The following ITPR3 variants were observed in gnomAD, a reference collection of about 807,000 sequenced individuals.
The protein encoded by ITPR3 is inositol 1,4,5-trisphosphate-gated calcium channel ITPR3.
Under a neutral mutation model 293.2 loss-of-function variants are expected in ITPR3, and 173 were observed. The ratio of observed to expected loss-of-function variants is 0.59; its 90% CI spans 0.52 to 0.67. ITPR3 has a LOEUF of 0.67. Among genes scored for constraint, ITPR3 ranks in the 30% least tolerant of loss-of-function variants. ITPR3 has a pLI of 0.00. For synonymous variants in ITPR3, 1,295 were observed against 1,444.4 expected, an observed-to-expected ratio of 0.90 and a Z score of 2.35; for missense variants, 2,796 against 3,592.1, an observed-to-expected ratio of 0.78 and a Z score of 5.66.
At position 33,695,857 on chromosome 6, in the gene ITPR3, C is replaced by T. The variant is rs565102433; in HGVS notation, c.*77C>T. The T allele has an allele frequency of 2.0e-5, 29 of 1,474,624 alleles. No individual in the cohort carries two copies. The highest frequency in any genetic ancestry group is 3.5e-4 in the Middle Eastern group (2 of 5,764). The allele number at this position is 1,474,624 out of a possible 1,614,324, so 91.3% of individuals were successfully genotyped here. ...CTGGGAAGAACACTGCCCCCTCCCT[C>T]GGGTTGGGTGGCCCAGCCAGCTGGC... On this transcript the variant is annotated 3_prime_UTR_variant, in exon 58 of 58. Transcript: ENST00000605930.
chr6:33,683,258 C>T lies in ITPR3; in HGVS notation c.4649C>T (p.Ser1550Leu), dbSNP rs754428635. The T allele has an allele frequency of 7.7e-6, 12 of 1,566,296 alleles. No homozygotes were observed. The South Asian group carries it at 9.5e-5, about 12-fold the overall frequency. Residue 1550 changes from serine to leucine, a missense_variant, in exon 35 of 58, where the codon TCG becomes TTG. Ser to Leu is a moderately radical substitution (Grantham distance 145, BLOSUM62 -2). Coordinates refer to ENST00000605930, the MANE Select transcript of ITPR3 (RefSeq NM_002224.4). This position sits in a 1 kb window ranked among gnomAD's most constrained non-coding sequence, Gnocchi z 4.5. ...ATGGACCTGGATGCCCACATCAGCTCGATGCTCAGCAGTGGAGCCAGCTGT... is the reference window on the plus strand; with the variant it reads ...ATGGACCTGGATGCCCACATCAGCTTGATGCTCAGCAGTGGAGCCAGCTGT... The part of the protein sequence containing the change: ...LPMDLDAHIS[S>L]MLSSGASCAA...
rs1764396821 is a variant in ITPR3 at position 33,659,353 on chromosome 6, AC to A, written c.628-110del. 15 of 1,029,768 alleles carry A rather than the reference AC, an allele frequency of 1.5e-5. No homozygotes were observed. The South Asian group carries it at 2.0e-4, about 14-fold the overall frequency. The allele number at this position is 1,029,768 out of a possible 1,614,324, so 63.8% of individuals were successfully genotyped here. Reference sequence around the variant, plus strand: ...CTGGGGACCCTGGCTAGGAGAAGACACCCTGTCCTTGTGCTGTAATGGTGGC... The same window carrying A: ...CTGGGGACCCTGGCTAGGAGAAGACACCTGTCCTTGTGCTGTAATGGTGGC... On this transcript the variant is annotated intron_variant, in intron 6 of 57. Coordinates refer to ENST00000605930, the MANE Select transcript of ITPR3 (RefSeq NM_002224.4).
At chr6:33,694,886 G>T (rs1016623736) in intron 56 of ITPR3, 38 bp from the exon 57 acceptor site, 1 of 1,613,646 alleles carries the variant, frequency 6.2e-7, no homozygotes. Context: ...TTCTAGGCCG[G>T]GCCCACGCCT....
chr6:33,694,403 T>TC (rs546759207), intron 56 of ITPR3: 20,705 of 168,384 alleles, frequency 0.12, 1,679 homozygotes, highest in Middle Eastern at 0.18. Context: ...TGGTGCCCCC[T>TC]CCCCCCCCGA....
chr6:33,640,454 T>C, intron 1 of ITPR3, 30 bp from the exon 2 acceptor site: 1 of 1,607,574 alleles, frequency 6.2e-7, no homozygotes, highest in Non-Finnish European at 8.5e-7. Context: ...GTCTCTTCTC[T>C]CCTGCTGACC....
At position 33,679,100 on chromosome 6, in the gene ITPR3, C is replaced by A. The variant is rs1764996554; in HGVS notation, c.3972+261C>A. Among the ~76,000 whole-genome samples the A allele has an allele frequency of 2.6e-5, 4 of 152,342 alleles. No homozygotes were observed. In the South Asian group the frequency reaches 8.3e-4, roughly 32 times the overall value. On this transcript the variant is annotated intron_variant, in intron 30 of 57. Transcript: ENST00000605930. This position sits in a 1 kb window ranked among gnomAD's most constrained non-coding sequence, Gnocchi z 4.2. ...CTCAGACAACAGGCCAGAAAGAAATCAAGCATGCATTCCTTGTCACTTGTC... is the reference window on the plus strand; with the variant it reads ...CTCAGACAACAGGCCAGAAAGAAATAAAGCATGCATTCCTTGTCACTTGTC...
intron 18 of ITPR3, among the ~76,000 whole-genome samples, chr6:33,669,534 TTGCAG>T (rs1764702086): frequency 6.6e-6 from 1 of 152,228 alleles, no homozygotes; most frequent in Non-Finnish European, 1.5e-5. Context: ...GAGGCGGAAG[TTGCAG>T]TGAGCCAAGA....
Position 33,671,323 on chromosome 6 carries a change from G to C in ITPR3, c.2728+17G>C, listed in dbSNP as rs1298341503. ...ACCCCGGTGGTGAGGCCTTTGCCCGGCTCGGGCCACCCTGGTGGTCCTCAG... is the reference window on the plus strand; with the variant it reads ...ACCCCGGTGGTGAGGCCTTTGCCCGCCTCGGGCCACCCTGGTGGTCCTCAG... On this transcript the variant is annotated intron_variant, in intron 21 of 57. Transcript: ENST00000605930. 1.3e-6 allele frequency: 2 copies of C among 1,593,322 alleles called. No homozygotes were observed.
chr6:33,669,085 G>C lies in ITPR3; in HGVS notation c.2118G>C (p.Lys706Asn), dbSNP rs753401914. 1.2e-6 allele frequency: 2 copies of C among 1,614,196 alleles called. No individual in the cohort carries two copies. Among genetic ancestry groups the C allele is most frequent in the Admixed American group, 3.3e-5 (2 of 60,024 alleles). ...WTDKNNEHHE[K>N]SVRQLAQEAR... ...ACAAGAATAACGAGCATCATGAGAAGAGTGTGAGGCAGCTGGCCCAGGAGG... is the reference window on the plus strand; with the variant it reads ...ACAAGAATAACGAGCATCATGAGAACAGTGTGAGGCAGCTGGCCCAGGAGG... Residue 706 changes from lysine (K) to asparagine (N), a missense_variant, in exon 18 of 58, where the codon AAG becomes AAC. By Grantham distance (94) the Lys-to-Asn change is moderately conservative (BLOSUM62 0). This residue lies in a region of ITPR3 where 955 missense variants were observed against 1,180.8 expected (regional missense o/e 0.81). Coordinates refer to ENST00000605930, the MANE Select transcript of ITPR3 (RefSeq NM_002224.4).
chr6:33,694,839 G>A (rs1765495708), intron 56 of ITPR3, 85 bp from the exon 57 acceptor site: 1 of 1,543,786 alleles, frequency 6.5e-7, no homozygotes, highest in Non-Finnish European at 8.9e-7. Flanking sequence ...TGTGGCAGAA[G>A]CCTCCCCCCA....
intron 3 of ITPR3, among the ~76,000 whole-genome samples, chr6:33,656,924 C>A (rs1171158911): frequency 7.9e-5 from 12 of 152,200 alleles, no homozygotes. Flanking sequence ...GCTGCCTGAG[C>A]TCTAGTATTA....
At position 33,687,014 on chromosome 6, in the gene ITPR3, T is replaced by C. The variant is rs1365101210; in HGVS notation, c.5985T>C (p.Asn1995=). The change falls in exon 44 of 58, where the codon AAT becomes AAC. Residue 1995 remains asparagine, a synonymous_variant. Transcript: ENST00000605930. The surrounding 1 kb of genome is among the most constrained non-coding windows in gnomAD (Gnocchi z 5.3). Reference sequence around the variant, plus strand: ...CCCTCTGCCCCTCCACCCAGGACAATGCCTCCAAGCTGCTCCTGGCTCTGA... The same window carrying C: ...CCCTCTGCCCCTCCACCCAGGACAACGCCTCCAAGCTGCTCCTGGCTCTGA... The part of the protein sequence containing the change: ...RMDLVLQLKD[N]ASKLLLALME... The C allele has an allele frequency of 1.2e-6, 2 of 1,613,736 alleles. No individual in the cohort carries two copies. Among genetic ancestry groups the C allele is most frequent in the East Asian group, 2.2e-5 (1 of 44,876 alleles).
Position 33,686,083 on chromosome 6 carries a change from AACT to A in ITPR3, c.5701_5703del (p.Tyr1901del). 6.2e-6 allele frequency: 10 copies of A among 1,614,146 alleles called. No homozygotes were observed. The highest frequency in any genetic ancestry group is 7.6e-6 in the Non-Finnish European group (9 of 1,180,034). On this transcript the variant is annotated inframe_deletion, in exon 42 of 58. Coordinates refer to ENST00000605930, the MANE Select transcript of ITPR3 (RefSeq NM_002224.4). ...CCTGCGCTGTCAGAACAACAAAACCAACTACAACTTGGTATGCGAGACGCTGCA... is the reference window on the plus strand; with the variant it reads ...CCTGCGCTGTCAGAACAACAAAACCAACAACTTGGTATGCGAGACGCTGCA...
At chr6:33,674,693 G>A (rs1384845721) in intron 24 of ITPR3, among the ~76,000 whole-genome samples, 1 of 152,252 alleles carries the variant, frequency 6.6e-6, no homozygotes, top group African/African-American at 2.4e-5. Flanking sequence ...AGGGCTTATG[G>A]ACTGCTTTTC....
intron 2 of ITPR3, among the ~76,000 whole-genome samples, chr6:33,650,531 G>GGGCT (rs1764162376): frequency 6.6e-6 from 1 of 152,178 alleles, no homozygotes; most frequent in African/African-American, 2.4e-5. Context: ...ACCCGCTAGT[G>GGGCT]GGCTGTGAAG....
intron 48 of ITPR3, 99 bp from the exon 49 acceptor site, chr6:33,688,557 C>T (rs886406105): frequency 1.3e-6 from 2 of 1,553,902 alleles, no homozygotes; most frequent in Admixed American, 3.7e-5. Context: ...AGGAAGGGCT[C>T]TTCCATGTGT....
intron 2 of ITPR3, among the ~76,000 whole-genome samples, chr6:33,647,105 C>A (rs1041874167): frequency 1.3e-5 from 2 of 152,068 alleles, no homozygotes; most frequent in Non-Finnish European, 2.9e-5. Flanking sequence ...TTCACTGCAA[C>A]CCTGACCTCC....
chr6:33,684,575 G>T lies in ITPR3; in HGVS notation c.5047-23G>T. 6.2e-7 allele frequency: 1 copy of T among 1,612,650 alleles called. No individual in the cohort carries two copies. Among genetic ancestry groups the T allele is most frequent in the African/African-American group, 1.3e-5 (1 of 75,024 alleles). On this transcript the variant is annotated intron_variant, in intron 37 of 57. Transcript: ENST00000605930. The surrounding 1 kb of genome is among the most constrained non-coding windows in gnomAD (Gnocchi z 4.2). ...AGTGGTGGGCTGTACCCACAATGGG[G>T]CCTCACTCCCATCCTCCCCCAGGGC...
At chr6:33,685,584 T>C in intron 40 of ITPR3, 51 bp downstream of exon 40, 1 of 1,594,684 alleles carries the variant, frequency 6.3e-7, no homozygotes, top group Non-Finnish European at 8.6e-7. Flanking sequence ...CAGGATAAGA[T>C]GTGCAGGGGG....
Sources: allele counts gnomAD v4.1 joint callset (sites outside exome capture counted in the v4.1 genomes callset), GRCh38; gene constraint gnomAD v4.1.1; regional missense constraint gnomAD v4.1.1; non-coding constraint Gnocchi (gnomAD v3.1); transcripts MANE v1.5; gene names NCBI Gene and HGNC (gene_info 2026-07-23, HGNC 2026-07-21).